TENM3: variants seen among roughly 807,000 people sequenced by gnomAD.
TENM3 encodes teneurin-3.
TENM3 carries 63 observed loss-of-function variants against 255.1 expected under a neutral mutation model. That is an observed-to-expected ratio of 0.25 (90% CI 0.20 to 0.30). The LOEUF (loss-of-function observed/expected upper bound fraction) is 0.30, where lower values mean the gene tolerates loss of function less well. Among genes scored for constraint, TENM3 ranks in the 10% least tolerant of loss-of-function variants. The pLI is 1.00. For missense variants in TENM3, 2,929 were observed against 3,461.1 expected, an observed-to-expected ratio of 0.85 and a Z score of 3.86; for synonymous variants, 1,306 against 1,322.3, an observed-to-expected ratio of 0.99 and a Z score of 0.27.
intron 1 of TENM3, among the ~76,000 whole-genome samples, chr4:182,305,872 G>A (rs548589129): frequency 2.0e-5 from 3 of 152,272 alleles, no homozygotes; most frequent in South Asian, 2.1e-4. Context: ...ATGTTCTTAC[G>A]TTCTTTAGTA....
intron 3 of TENM3, among the ~76,000 whole-genome samples, chr4:182,356,268 T>A (rs1765519551): frequency 6.6e-6 from 1 of 152,038 alleles, no homozygotes; most frequent in Non-Finnish European, 1.5e-5. Context: ...GAAAGGAGGC[T>A]GAGGTGAGAG....
the TENM3 span, among the ~76,000 whole-genome samples, chr4:181,678,088 G>T: frequency 6.6e-6 from 1 of 152,118 alleles, no homozygotes; most frequent in African/African-American, 2.4e-5. Flanking sequence ...AACACTTACT[G>T]TGTGCGAGGC....
At chr4:182,003,272 A>C in the TENM3 span, among the ~76,000 whole-genome samples, 1 of 152,252 alleles carries the variant, frequency 6.6e-6, no homozygotes, top group East Asian at 1.9e-4. Context: ...ATAAATTAGT[A>C]TAAGCAGGTG....
At chr4:182,113,500 G>A in the TENM3 span, among the ~76,000 whole-genome samples, 1 of 152,034 alleles carries the variant, frequency 6.6e-6, no homozygotes, top group Admixed American at 6.6e-5. Context: ...AGAGTTGACT[G>A]GACTTAAATG....
At chr4:182,697,412 CT>C (rs1046109906) in intron 12 of TENM3, among the ~76,000 whole-genome samples, 2 of 152,162 alleles carry the variant, frequency 1.3e-5, no homozygotes, top group African/African-American at 2.4e-5. Flanking sequence ...CTGATTGGCG[CT>C]GAAAATCTAG....
intron 1 of TENM3, among the ~76,000 whole-genome samples, chr4:182,249,194 G>C (rs1185059300): frequency 6.6e-6 from 1 of 152,204 alleles, no homozygotes; most frequent in Non-Finnish European, 1.5e-5. Flanking sequence ...GAGTCATGTG[G>C]TCATGAGTTA....
At position 182,648,581 on chromosome 4, in the gene TENM3, T is replaced by A. The variant is rs1752962796; in HGVS notation, c.989-5190T>A. 1.3e-5 allele frequency among the ~76,000 whole-genome samples: 2 copies of A among 152,066 alleles called. 1 individual carries two copies. Among genetic ancestry groups the A allele is most frequent in the South Asian group, 4.2e-4 (2 of 4,816 alleles). ...ATTACAGAGGTGAGCCACTGCGCCC[T>A]GCCTAAGTAATTTTTATTTAAGTAT... is the stretch of plus-strand genomic sequence containing the variant. On this transcript the variant is annotated intron_variant, in intron 5 of 27. Transcript: ENST00000511685.
rs563965241 is a variant in TENM3, at chr4:182,679,191, C to T, written c.1327-475C>T. Among the ~76,000 whole-genome samples, 43 of 149,024 alleles carry T rather than the reference C, an allele frequency of 2.9e-4. 1 individual carries two copies. Among genetic ancestry groups the T allele is most frequent in the Admixed American group, 1.3e-3 (19 of 14,812 alleles). On this transcript the variant is annotated intron_variant, in intron 7 of 27. Transcript: ENST00000511685. The stretch of plus-strand genomic sequence containing the variant: ...ACCAGCACATTCTGCACATGTACCC[C>T]AGAACTTAAAATAAAATTTAAAAAA...
intron 3 of TENM3, among the ~76,000 whole-genome samples, chr4:182,347,549 CCA>C (rs1764906500): frequency 6.6e-6 from 1 of 152,176 alleles, no homozygotes; most frequent in South Asian, 2.1e-4. Context: ...GCAATTAAAT[CCA>C]CACACAAAAA....
At chr4:181,459,213 C>T in the TENM3 span, among the ~76,000 whole-genome samples, 4 of 151,740 alleles carry the variant, frequency 2.6e-5, no homozygotes, top group Admixed American at 2.0e-4. Context: ...TGTAAAGTAC[C>T]TGTTCAACTC....
intron 3 of TENM3, among the ~76,000 whole-genome samples, chr4:182,589,750 A>G (rs1421943390): frequency 6.6e-6 from 1 of 152,122 alleles, no homozygotes; most frequent in Non-Finnish European, 1.5e-5. Context: ...AGGTGGGCAG[A>G]TCACTTGAGG....
chr4:182,022,560 A>G, the TENM3 span, among the ~76,000 whole-genome samples: 3 of 152,076 alleles, frequency 2.0e-5, no homozygotes, highest in Non-Finnish European at 4.4e-5. Context: ...CAAAAAGAAA[A>G]GAGACATTTA....
chr4:182,601,227 T>A, intron 4 of TENM3, 66 bp downstream of exon 4: 1 of 1,260,960 alleles, frequency 7.9e-7, no homozygotes, highest in East Asian at 2.3e-5. Context: ...TTTACTATAC[T>A]TACATATTCT....
intron 1 of TENM3, among the ~76,000 whole-genome samples, chr4:182,228,386 G>GTATATATATATA (rs1374220080): frequency 1.4e-5 from 2 of 139,830 alleles, no homozygotes; most frequent in African/African-American, 5.4e-5. Context: ...GTGTGTGTGT[G>GTATATATATATA]TGTGTGTATA....
At chr4:181,490,566 G>C in the TENM3 span, among the ~76,000 whole-genome samples, 1 of 152,170 alleles carries the variant, frequency 6.6e-6, no homozygotes, top group Non-Finnish European at 1.5e-5. Flanking sequence ...TCCCGAGCAA[G>C]AGGACAGAAC....
intron 1 of TENM3, among the ~76,000 whole-genome samples, chr4:182,234,265 T>C (rs1756759160): frequency 6.6e-6 from 1 of 152,166 alleles, no homozygotes; most frequent in Non-Finnish European, 1.5e-5. Context: ...GTGGCCCCTG[T>C]GTTCTGAGGG....
chr4:182,594,686 GTGTGTGTGTGTGT>G (rs1560976758), intron 3 of TENM3, among the ~76,000 whole-genome samples: 9 of 4,920 alleles, frequency 1.8e-3, no homozygotes, highest in South Asian at 4.9e-3. Context: ...TTGTTTTGGT[GTGTGTGTGTGTGT>G]GTGTGTGTGT....
intron 3 of TENM3, among the ~76,000 whole-genome samples, chr4:182,524,733 G>A (rs576081673): frequency 6.6e-6 from 1 of 150,982 alleles, no homozygotes; most frequent in Non-Finnish European, 1.5e-5. Context: ...TAAGACAAGA[G>A]GGGGCCAGGC....
At chr4:182,038,652 T>C in the TENM3 span, among the ~76,000 whole-genome samples, 1 of 152,224 alleles carries the variant, frequency 6.6e-6, no homozygotes, top group African/African-American at 2.4e-5. Flanking sequence ...TGGCAAGATC[T>C]GCACAGACTT....
Sources: gnomAD v4.1 joint callset for allele counts (sites outside exome capture counted in the v4.1 genomes callset) on GRCh38, gnomAD v4.1.1 for gene constraint, MANE v1.5 for transcripts, NCBI Gene and HGNC (gene_info 2026-07-23, HGNC 2026-07-21) for gene names.